XKR5: variants seen among roughly 807,000 people sequenced by gnomAD.
XKR5 encodes XK related 5.
Under a neutral mutation model 40.8 loss-of-function variants are expected in XKR5, and 46 were observed. The ratio of observed to expected loss-of-function variants is 1.13; its 90% confidence interval spans 0.89 to 1.44. The LOEUF (loss-of-function observed/expected upper bound fraction) is 1.44. Ranked by LOEUF, XKR5 falls within the 40% of genes most tolerant of loss-of-function variation. XKR5 has a pLI of 0.00. For synonymous variants in XKR5, 466 were observed against 356.1 expected (o/e 1.31, Z -3.48); for missense variants, 1,169 against 844.7 (o/e 1.38, Z -4.76).
At chr8:6,832,655 A>C in intron 2 of XKR5, 62 bp downstream of exon 2, 1 of 1,588,668 alleles carries the variant, frequency 6.3e-7, no homozygotes, top group Non-Finnish European at 8.6e-7. Context: ...CATGGAGAGA[A>C]GATTCCTCTC....
chr8:6,821,576 C>G (rs556426322), intron 5 of XKR5, among the ~76,000 whole-genome samples: 20 of 152,270 alleles, frequency 1.3e-4, no homozygotes, highest in African/African-American at 4.3e-4. Flanking sequence ...TACAGTTGAA[C>G]TGTAATGATA....
chr8:6,835,310 G>C (rs1222739330), intron 1 of XKR5, 126 bp downstream of exon 1: 3 of 994,302 alleles, frequency 3.0e-6, no homozygotes, highest in Non-Finnish European at 4.0e-6. Context: ...GTGCGTCACC[G>C]GCGCGCAGTG....
At chr8:6,827,814 C>G (rs187687010) in intron 2 of XKR5, among the ~76,000 whole-genome samples, 12 of 152,238 alleles carry the variant, frequency 7.9e-5, no homozygotes, top group African/African-American at 2.9e-4. Context: ...GAAATGAATC[C>G]CAGCTTTTTG....
In XKR5 at chr8:6,811,341, C is replaced by G. The variant is rs998747236; in HGVS notation, c.1918G>C (p.Ala640Pro). 6.5e-7 allele frequency: 1 copy of G among 1,537,262 alleles called. No homozygotes were observed. Among genetic ancestry groups the G allele is most frequent in the East Asian group, 2.4e-5 (1 of 40,932 alleles). ...LEPKRELSHH[A>P]AVGVWVSLPQ... ...AATGACACCCACACACCAACAGCTG[C>G]ATGGTGACTTAGCTCCCTTTTGGGC... The change falls in exon 7 of 7, where the codon GCA becomes CCA. Residue 640 changes from alanine (A) to proline (P), a missense_variant. Ala to Pro is a conservative substitution (Grantham distance 27, BLOSUM62 -1). Coordinates refer to ENST00000618742, the MANE Select transcript of XKR5 (RefSeq NM_207411.5).
At chr8:6,832,648 G>C (rs1587206774) in intron 2 of XKR5, 69 bp downstream of exon 2, 1 of 1,567,710 alleles carries the variant, frequency 6.4e-7, no homozygotes, top group Non-Finnish European at 8.7e-7. Context: ...GAATCCACAT[G>C]GAGAGAAGAT....
rs368742099 is a variant in XKR5 at position 6,825,371 on chromosome 8, G to A, written c.243-22C>T. ...GTGCCTAGGGAACAGCAGAGGGCAC[G>A]TGACACGGAGCCAGGCTGTGGCGAG... On this transcript the variant is annotated intron_variant, in intron 2 of 6. Coordinates refer to ENST00000618742, the MANE Select transcript of XKR5 (RefSeq NM_207411.5). The A allele has an allele frequency of 5.7e-5, 86 of 1,504,842 alleles. No individual in the cohort carries two copies. In the African/African-American group the frequency reaches 7.1e-4, roughly 12 times the overall value. 93.2% of individuals were successfully genotyped at this position (1,504,842 alleles called of 1,614,324 possible). A position where few individuals can be genotyped will look rare whatever the true frequency, so the allele number is the denominator to read the frequency against.
chr8:6,816,701 A>T (rs894883138), intron 5 of XKR5, among the ~76,000 whole-genome samples: 2 of 147,332 alleles, frequency 1.4e-5, no homozygotes, highest in East Asian at 3.9e-4. Flanking sequence ...AAAATAATTT[A>T]ATTTTATTTA....
intron 3 of XKR5, 94 bp from the exon 4 acceptor site, chr8:6,823,824 G>A (rs1804347879): frequency 1.8e-6 from 2 of 1,100,810 alleles, no homozygotes; most frequent in Admixed American, 4.1e-5. Context: ...TTAATGGGAT[G>A]TGTAACCTCT....
At chr8:6,822,792 G>A (rs577760120) in intron 4 of XKR5, among the ~76,000 whole-genome samples, 26 of 152,304 alleles carry the variant, frequency 1.7e-4, no homozygotes, top group African/African-American at 4.3e-4. Flanking sequence ...TTCATATTGC[G>A]TGTGCCTAGA....
intron 5 of XKR5, among the ~76,000 whole-genome samples, chr8:6,817,515 A>T (rs1804017677): frequency 6.6e-6 from 1 of 151,882 alleles, no homozygotes; most frequent in African/African-American, 2.4e-5. Context: ...CCACACCGAG[A>T]GACTTGAACA....
At chr8:6,828,604 G>A (rs1804625267) in intron 2 of XKR5, among the ~76,000 whole-genome samples, 1 of 152,180 alleles carries the variant, frequency 6.6e-6, no homozygotes, top group South Asian at 2.1e-4. Flanking sequence ...TTGGTCACTA[G>A]GTCCTATGAG....
chr8:6,811,669 C>T lies in XKR5; in HGVS notation c.1590G>A (p.Gln530=), dbSNP rs1236749622. The change falls in exon 7 of 7, where the codon CAG becomes CAA. Residue 530 remains glutamine (Q), a synonymous_variant. Coordinates refer to ENST00000618742, the MANE Select transcript of XKR5 (RefSeq NM_207411.5). ...SGTQGKGTGG[Q]QRGGEGQQSS... ...TCTGCTGTCCTTCCCCTCCTCTCTG[C>T]TGCCCACCTGTCCCCTTCCCCTGTG... 2 of 1,537,726 alleles carry T rather than the reference C, an allele frequency of 1.3e-6. No individual in the cohort carries two copies. The highest frequency in any genetic ancestry group is 2.4e-5 in the South Asian group (2 of 84,064).
chr8:6,832,422 G>A (rs944261234), intron 2 of XKR5, among the ~76,000 whole-genome samples: 4 of 152,144 alleles, frequency 2.6e-5, no homozygotes, highest in African/African-American at 9.7e-5. Flanking sequence ...TGGAACTAAC[G>A]GCTCAACCAA....
rs768041944 is a variant in XKR5 at position 6,835,438 on chromosome 8, G to T, written c.56C>A (p.Ala19Glu). 4.7e-6 allele frequency: 7 copies of T among 1,489,176 alleles called. No homozygotes were observed. Among genetic ancestry groups the T allele is most frequent in the South Asian group, 3.8e-5 (3 of 79,072 alleles). The allele number at this position is 1,489,176 out of a possible 1,614,324, so 92.2% of individuals were successfully genotyped here. ...CAGCCTCGGGCTGCCGCACTCACGC[G>T]CGCTCTGCTCGGCCGCCTGCAGCAG... Reference protein sequence around the residue: ...SALLQAAEQSARLYTVAYYFT... With the variant: ...SALLQAAEQSERLYTVAYYFT... Residue 19 changes from alanine (A) to glutamate (E), a missense_variant and splice_region_variant, in exon 1 of 7, where the codon GCG becomes GAG. Coordinates refer to ENST00000618742, the MANE Select transcript of XKR5 (RefSeq NM_207411.5).
chr8:6,832,592 G>T, intron 2 of XKR5, 125 bp downstream of exon 2: 3 of 1,264,320 alleles, frequency 2.4e-6, no homozygotes, highest in African/African-American at 1.5e-5. Flanking sequence ...TGCTGTGGCC[G>T]CTTTGAACCT....
intron 3 of XKR5, among the ~76,000 whole-genome samples, chr8:6,823,998 T>G (rs1378038901): frequency 2.0e-5 from 3 of 152,170 alleles, no homozygotes; most frequent in Non-Finnish European, 4.4e-5. Context: ...TCCCAGCAAA[T>G]GGGCTGGACT....
intron 2 of XKR5, among the ~76,000 whole-genome samples, chr8:6,825,864 G>A (rs143941716): frequency 6.6e-5 from 10 of 152,352 alleles, no homozygotes; most frequent in African/African-American, 2.4e-4. Flanking sequence ...AGACAGGGAA[G>A]AAGGATCTGG....
chr8:6,814,426 G>T (rs1236306684), intron 6 of XKR5, among the ~76,000 whole-genome samples: 1 of 152,106 alleles, frequency 6.6e-6, no homozygotes, highest in Non-Finnish European at 1.5e-5. Context: ...CCAAGTGATA[G>T]AATAATAGAA....
chr8:6,835,056 C>T (rs1006108247), intron 1 of XKR5, among the ~76,000 whole-genome samples: 7 of 152,140 alleles, frequency 4.6e-5, no homozygotes, highest in African/African-American at 1.4e-4. Flanking sequence ...ATCTTGGCAT[C>T]GCAGCACTTT....
Sources: gnomAD v4.1 joint callset for allele counts (sites outside exome capture counted in the v4.1 genomes callset) on GRCh38, gnomAD v4.1.1 for gene constraint, MANE v1.5 for transcripts, NCBI Gene and HGNC (gene_info 2026-07-23, HGNC 2026-07-21) for gene names.